GNAI3: variants seen among roughly 807,000 people sequenced by gnomAD.
GNAI3 encodes G protein subunit alpha i3.
GNAI3 carries 12 observed loss-of-function variants against 41.8 expected under a neutral mutation model. The ratio of observed to expected loss-of-function variants is 0.29; its 90% CI spans 0.18 to 0.47. The LOEUF (loss-of-function observed/expected upper bound fraction) is 0.47. GNAI3 is among the 20% of genes least tolerant of loss of function. The pLI is 1.00. For synonymous variants in GNAI3, 132 were observed against 146.5 expected (o/e 0.90, Z 0.71); for missense variants, 360 against 429.6 (o/e 0.84, Z 1.43).
Position 109,595,542 on chromosome 1 carries a change from T to C in GNAI3, c.*3220T>C, listed in dbSNP as rs1649281395. On this transcript the variant is annotated 3_prime_UTR_variant, in exon 9 of 9. Transcript: ENST00000369851. ...ATATTCTATTTGTTGTATATACACA[T>C]TAGACTATTTTAAAATAACAGCTGG... 1 of 152,210 alleles carries C rather than the reference T, an allele frequency of 6.6e-6. No homozygotes were observed. The highest frequency in any genetic ancestry group is 2.4e-5 in the African/African-American group (1 of 41,444). 9.4% of individuals were successfully genotyped at this position (152,210 alleles called of 1,614,324 possible).
chr1:109,589,887 A>G (rs1649126562), intron 7 of GNAI3, among the ~76,000 whole-genome samples: 1 of 152,194 alleles, frequency 6.6e-6, no homozygotes, highest in South Asian at 2.1e-4. Flanking sequence ...CACTAGAGAG[A>G]GGTGGTGATT....
In GNAI3 at chr1:109,571,130, A is replaced by G. The variant is rs905821736; in HGVS notation, c.119-2607A>G. ...TCATTTAACATTTTTGGCTTGAGCA[A>G]CTGGTGAATGTTGGTGCCATTTACT... On this transcript the variant is annotated intron_variant, in intron 1 of 8. Coordinates refer to ENST00000369851, the MANE Select transcript of GNAI3 (RefSeq NM_006496.4). Among the ~76,000 whole-genome samples, 16 of 152,332 alleles carry G rather than the reference A, an allele frequency of 1.1e-4. No homozygotes were observed. The East Asian group carries it at 2.5e-3, about 24-fold the overall frequency.
At position 109,574,538 on chromosome 1, in the gene GNAI3, G is replaced by A. The variant is rs112885831; in HGVS notation, c.303+501G>A. Among the ~76,000 whole-genome samples the A allele has an allele frequency of 9.6e-3, 1,460 of 152,134 alleles. 24 individuals are homozygous for A. Among genetic ancestry groups the A allele is most frequent in the African/African-American group, 0.034 (1,391 of 41,508 alleles). ...ACATGGAACCTAAGGCTATAGAATTGGAGTATAACATGCCCTAGTATAATT... is the reference window on the plus strand; with the variant it reads ...ACATGGAACCTAAGGCTATAGAATTAGAGTATAACATGCCCTAGTATAATT... On this transcript the variant is annotated intron_variant, in intron 3 of 8. Coordinates refer to ENST00000369851, the MANE Select transcript of GNAI3 (RefSeq NM_006496.4).
At chr1:109,565,286 C>T (rs532673257) in intron 1 of GNAI3, among the ~76,000 whole-genome samples, 1 of 151,822 alleles carries the variant, frequency 6.6e-6, no homozygotes, top group Non-Finnish European at 1.5e-5. Flanking sequence ...TTCATAATCT[C>T]ACTGAACAAA....
intron 1 of GNAI3, among the ~76,000 whole-genome samples, chr1:109,556,862 C>T (rs892632042): frequency 6.6e-6 from 1 of 152,074 alleles, no homozygotes; most frequent in Non-Finnish European, 1.5e-5. Context: ...GTAGACTGAC[C>T]TAGGATTTTA....
At chr1:109,551,147 T>C (rs556957252) in intron 1 of GNAI3, among the ~76,000 whole-genome samples, 2 of 152,254 alleles carry the variant, frequency 1.3e-5, no homozygotes, top group Non-Finnish European at 1.5e-5. Flanking sequence ...ACTAAACATA[T>C]TTGCTTTTAA....
chr1:109,571,726 T>A (rs983036328), intron 1 of GNAI3, among the ~76,000 whole-genome samples: 34 of 152,282 alleles, frequency 2.2e-4, no homozygotes, highest in African/African-American at 7.9e-4. Context: ...GAGAGCAGCC[T>A]GGCAAACATG....
chr1:109,579,277 T>G lies in GNAI3; in HGVS notation c.377T>G (p.Val126Gly). The change falls in exon 4 of 9, where the codon GTG becomes GGG. Residue 126 changes from valine (V) to glycine (G), a missense_variant. Transcript: ENST00000369851. ...EGVMTPELAG[V>G]IKRLWRDGGV... is the part of the protein sequence containing the mutation. ...GTCATGACTCCAGAACTAGCAGGAG[T>G]GATTAAACGGTTATGGCGAGATGGT... The G allele has an allele frequency of 6.2e-7, 1 of 1,613,060 alleles. No individual in the cohort carries two copies. Among genetic ancestry groups the G allele is most frequent in the Non-Finnish European group, 8.5e-7 (1 of 1,179,242 alleles).
At chr1:109,575,357 G>GT (rs1648708466) in intron 3 of GNAI3, among the ~76,000 whole-genome samples, 1 of 150,924 alleles carries the variant, frequency 6.6e-6, no homozygotes, top group Non-Finnish European at 1.5e-5. Context: ...CTTCTCTGTT[G>GT]TATTTGTTGT....
chr1:109,557,600 A>G (rs1648190313), intron 1 of GNAI3, among the ~76,000 whole-genome samples: 1 of 152,104 alleles, frequency 6.6e-6, no homozygotes, highest in African/African-American at 2.4e-5. Flanking sequence ...GGACTGTGAT[A>G]CCCAACCCCC....
intron 1 of GNAI3, among the ~76,000 whole-genome samples, chr1:109,567,381 C>CAG (rs1648484733): frequency 1.3e-5 from 2 of 152,150 alleles, no homozygotes; most frequent in Admixed American, 1.3e-4. Context: ...GGTAGTGGTG[C>CAG]AGAGAGACCT....
chr1:109,585,144 G>A (rs553210841), intron 5 of GNAI3, among the ~76,000 whole-genome samples: 2 of 152,324 alleles, frequency 1.3e-5, no homozygotes, highest in Admixed American at 6.5e-5. Context: ...CATTAAACCA[G>A]TTTGGCAGAG....
chr1:109,579,382 A>G, intron 4 of GNAI3, 21 bp downstream of exon 4: 1 of 1,584,578 alleles, frequency 6.3e-7, no homozygotes, highest in Non-Finnish European at 8.6e-7. Flanking sequence ...TTTCTCTGTG[A>G]AACTATAACA....
chr1:109,569,805 G>GT (rs1648547167), intron 1 of GNAI3, among the ~76,000 whole-genome samples: 1 of 151,594 alleles, frequency 6.6e-6, no homozygotes, highest in Non-Finnish European at 1.5e-5. Context: ...GCAACAGAGG[G>GT]TTTTTTGTTT....
rs1173054928 is a variant in GNAI3 at position 109,598,928 on chromosome 1, A to T, written c.*6606A>T. On this transcript the variant is annotated 3_prime_UTR_variant, in exon 9 of 9. Transcript: ENST00000369851. ...GGTAGAGAGGGCAGTGGGAGGTAAG[A>T]GCTCTTCACCCTTCACCACCTTCTC... The T allele has an allele frequency of 1.9e-6, 1 of 534,766 alleles. No homozygotes were observed. The highest frequency in any genetic ancestry group is 3.8e-6 in the Non-Finnish European group (1 of 260,074). The allele number at this position is 534,766 out of a possible 1,614,324, so 33.1% of individuals were successfully genotyped here.
chr1:109,589,530 A>C (rs1184662626), intron 7 of GNAI3, among the ~76,000 whole-genome samples: 3 of 152,196 alleles, frequency 2.0e-5, no homozygotes, highest in African/African-American at 7.2e-5. Context: ...TAAGCAAAAG[A>C]GATACATTAA....
At chr1:109,555,802 G>C (rs1648123310) in intron 1 of GNAI3, among the ~76,000 whole-genome samples, 1 of 152,186 alleles carries the variant, frequency 6.6e-6, no homozygotes, top group South Asian at 2.1e-4. Context: ...GCACTATGCT[G>C]TTCCTCCCCC....
intron 3 of GNAI3, among the ~76,000 whole-genome samples, chr1:109,578,186 T>C (rs1218899526): frequency 6.6e-6 from 1 of 151,936 alleles, no homozygotes; most frequent in Non-Finnish European, 1.5e-5. Context: ...AAACTATGGC[T>C]ATGTCTGGGC....
chr1:109,593,372 C>T lies in GNAI3; in HGVS notation c.*1050C>T, dbSNP rs1053181348. On this transcript the variant is annotated 3_prime_UTR_variant, in exon 9 of 9. Transcript: ENST00000369851. ...CCTGTTTGCCATCGTTTTTACTGTACCGATGTTAACTGTAGTAATCCTTAG... is the reference window on the plus strand; with the variant it reads ...CCTGTTTGCCATCGTTTTTACTGTATCGATGTTAACTGTAGTAATCCTTAG... The T allele has an allele frequency of 1.3e-5, 2 of 152,626 alleles. No homozygotes were observed. The highest frequency in any genetic ancestry group is 4.8e-5 in the African/African-American group (2 of 41,440). 9.5% of individuals were successfully genotyped at this position (152,626 alleles called of 1,614,324 possible).
Sources: allele counts gnomAD v4.1 joint callset (sites outside exome capture counted in the v4.1 genomes callset), GRCh38; gene constraint gnomAD v4.1.1; transcripts MANE v1.5; gene names NCBI Gene and HGNC (gene_info 2026-07-23, HGNC 2026-07-21).